Variants in MAN1C1 observed in about 807,000 individuals in gnomAD.
MAN1C1 encodes mannosidase alpha class 1C member 1.
Under a neutral mutation model 71.5 loss-of-function variants are expected in MAN1C1, and 49 were observed. That is an observed-to-expected ratio of 0.69 (90% CI 0.54 to 0.87). The LOEUF is 0.87. MAN1C1 is among the 40% of genes least tolerant of loss of function. MAN1C1 has a pLI of 0.00. For synonymous variants in MAN1C1, 352 were observed against 343.7 expected, an observed-to-expected ratio of 1.02 and a Z score of -0.27; for missense variants, 743 against 835.0, an observed-to-expected ratio of 0.89 and a Z score of 1.36.
intron 1 of MAN1C1, among the ~76,000 whole-genome samples, chr1:25,630,438 A>G (rs1452043774): frequency 2.0e-5 from 3 of 152,128 alleles, no homozygotes; most frequent in Admixed American, 6.5e-5. Context: ...TTCTGTGAAC[A>G]ATGATGTTGT....
rs373926237 is a variant in MAN1C1, at chr1:25,775,897, G to GT, written c.1258-2201dup. On this transcript the variant is annotated intron_variant, in intron 8 of 11. Coordinates refer to ENST00000374332, the MANE Select transcript of MAN1C1 (RefSeq NM_020379.4). The surrounding 1 kb of genome is among the most constrained non-coding windows in gnomAD (Gnocchi z 5.1). ...GTTTTCTTGGGTTTTTTGTTTGTTT[G>GT]TTTTTTTATGACAGAGTCTCACTCT... The GT allele has an allele frequency of 3.3e-5, 5 of 152,598 alleles. No homozygotes were observed. The highest frequency in any genetic ancestry group is 2.0e-4 in the Admixed American group (3 of 15,296). 9.5% of individuals were successfully genotyped at this position (152,598 alleles called of 1,614,324 possible).
intron 1 of MAN1C1, chr1:25,646,476 T>A (rs2045616075): frequency 6.6e-6 from 1 of 152,260 alleles, no homozygotes; most frequent in Non-Finnish European, 1.5e-5. Context: ...TTAGCCATTT[T>A]AAAATGTACA....
At chr1:25,639,502 G>A (rs2045509597) in intron 1 of MAN1C1, among the ~76,000 whole-genome samples, 1 of 152,096 alleles carries the variant, frequency 6.6e-6, no homozygotes, top group African/African-American at 2.4e-5. Flanking sequence ...TTTTTGTTGG[G>A]CTGTCAGCTG....
chr1:25,720,818 C>A (rs113999812), intron 2 of MAN1C1, among the ~76,000 whole-genome samples: 63 of 152,278 alleles, frequency 4.1e-4, no homozygotes, highest in Non-Finnish European at 7.1e-4. Context: ...TACTTTTAGG[C>A]CATGACTCAT....
In MAN1C1 at chr1:25,728,802, G is replaced by A. The variant is rs143839288; in HGVS notation, c.638-17866G>A. ...GCCTGGGCGGCTATTTCCCTTCAAC[G>A]GCTCTGTCTAAGGAAGGGGAACTGG... On this transcript the variant is annotated intron_variant, in intron 2 of 11. Coordinates refer to ENST00000374332, the MANE Select transcript of MAN1C1 (RefSeq NM_020379.4). 3.2e-3 allele frequency among the ~76,000 whole-genome samples: 481 copies of A among 152,278 alleles called. 6 individuals carry two copies. Among genetic ancestry groups the A allele is most frequent in the Non-Finnish European group, 4.6e-3 (312 of 68,030 alleles).
chr1:25,665,910 G>A (rs2045917628), intron 1 of MAN1C1, among the ~76,000 whole-genome samples: 1 of 145,528 alleles, frequency 6.9e-6, no homozygotes, highest in Non-Finnish European at 1.5e-5. Flanking sequence ...CATGGGGAGA[G>A]GTCATCTACT....
intron 1 of MAN1C1, among the ~76,000 whole-genome samples, chr1:25,624,612 T>G (rs889790397): frequency 2.0e-5 from 3 of 152,234 alleles, no homozygotes; most frequent in Admixed American, 2.0e-4. Flanking sequence ...GTGCCCGCCT[T>G]GATAGATGAT....
At chr1:25,619,774 G>C (rs1229393121) in intron 1 of MAN1C1, among the ~76,000 whole-genome samples, 1 of 152,152 alleles carries the variant, frequency 6.6e-6, no homozygotes, top group Non-Finnish European at 1.5e-5. Context: ...CTACGCTGTT[G>C]AATACTCACT....
chr1:25,680,713 CA>C (rs1374494771), intron 1 of MAN1C1, among the ~76,000 whole-genome samples: 1 of 152,186 alleles, frequency 6.6e-6, no homozygotes, highest in African/African-American at 2.4e-5. Flanking sequence ...TCCATTCAAT[CA>C]ATGGACATTT....
chr1:25,667,131 A>G (rs566102565), intron 1 of MAN1C1, among the ~76,000 whole-genome samples: 1 of 152,270 alleles, frequency 6.6e-6, no homozygotes, highest in South Asian at 2.1e-4. Flanking sequence ...AGGTAGGAGG[A>G]GAGAGCTCAA....
At chr1:25,668,561 T>TTCTTTC (rs1345264127) in intron 1 of MAN1C1, among the ~76,000 whole-genome samples, 171 of 134,982 alleles carry the variant, frequency 1.3e-3, no homozygotes, top group African/African-American at 4.9e-3. Flanking sequence ...CTTTCTTTCT[T>TTCTTTC]TTTTTTTTTT....
rs79598010 is a variant in MAN1C1 at position 25,693,632 on chromosome 1, G to A, written c.637+7096G>A. On this transcript the variant is annotated intron_variant, in intron 2 of 11. Coordinates refer to ENST00000374332, the MANE Select transcript of MAN1C1 (RefSeq NM_020379.4). ...GGCGACAGAATGAGACTCCATCTCG[G>A]AAAAAAAGAGAAAATTTGCGATTAG... Among the ~76,000 whole-genome samples the A allele has an allele frequency of 9.7e-3, 1,480 of 152,158 alleles. 27 individuals carry two copies. Among genetic ancestry groups the A allele is most frequent in the African/African-American group, 0.032 (1,315 of 41,498 alleles).
chr1:25,704,192 C>G (rs1027085260), intron 2 of MAN1C1, among the ~76,000 whole-genome samples: 2 of 152,228 alleles, frequency 1.3e-5, no homozygotes, highest in African/African-American at 4.8e-5. Flanking sequence ...CACCCAGCCC[C>G]TTTATTAAAC....
In MAN1C1 at chr1:25,730,276, G is replaced by GGC. The variant is rs1326021613; in HGVS notation, c.638-16391_638-16390dup. On this transcript the variant is annotated intron_variant, in intron 2 of 11. Transcript: ENST00000374332. This position sits in a 1 kb window ranked among gnomAD's most constrained non-coding sequence, Gnocchi z 4.3. Reference sequence around the variant, plus strand: ...GAAACCGTTTTAAAATGATCTCAGAGGCAGAGACTGGCCTTCTCCACGCAT... The same window carrying GGC: ...GAAACCGTTTTAAAATGATCTCAGAGGCGCAGAGACTGGCCTTCTCCACGCAT... 6.6e-6 allele frequency among the ~76,000 whole-genome samples: 1 copy of GGC among 152,172 alleles called. No homozygotes were observed. Among genetic ancestry groups the GGC allele is most frequent in the Non-Finnish European group, 1.5e-5 (1 of 68,026 alleles).
intron 1 of MAN1C1, among the ~76,000 whole-genome samples, chr1:25,672,987 C>T (rs565166299): frequency 8.6e-5 from 13 of 151,994 alleles, no homozygotes; most frequent in South Asian, 6.2e-4. Context: ...ATGGGGGTGA[C>T]ATGCGGGGAG....
In MAN1C1 at chr1:25,664,626, C is replaced by T. The variant is rs528387694; in HGVS notation, c.541-21814C>T. ...GAGTTTACAGTGCATCTGAAATGTT[C>T]TCGGACATACAGGAATGACGGAAGA... On this transcript the variant is annotated intron_variant, in intron 1 of 11. Coordinates refer to ENST00000374332, the MANE Select transcript of MAN1C1 (RefSeq NM_020379.4). 2.6e-5 allele frequency among the ~76,000 whole-genome samples: 4 copies of T among 152,318 alleles called. No individual in the cohort carries two copies. In the South Asian group the frequency reaches 6.2e-4, roughly 24 times the overall value.
intron 1 of MAN1C1, among the ~76,000 whole-genome samples, chr1:25,628,569 A>G (rs2045333479): frequency 6.6e-6 from 1 of 152,156 alleles, no homozygotes; most frequent in Non-Finnish European, 1.5e-5. Context: ...CTGCCTCCCA[A>G]AGTGCTGGGA....
At chr1:25,647,014 C>T (rs563554064) in intron 1 of MAN1C1, among the ~76,000 whole-genome samples, 21 of 152,238 alleles carry the variant, frequency 1.4e-4, no homozygotes, top group South Asian at 4.2e-4. Context: ...GTGGCTGCAC[C>T]GCTTTACACT....
At chr1:25,723,467 G>T (rs548571356) in intron 2 of MAN1C1, among the ~76,000 whole-genome samples, 1 of 152,164 alleles carries the variant, frequency 6.6e-6, no homozygotes, top group African/African-American at 2.4e-5. Flanking sequence ...CTTAGGGTTC[G>T]GCTTTCTTGG....
Sources: gnomAD v4.1 joint callset for allele counts (sites outside exome capture counted in the v4.1 genomes callset) on GRCh38, gnomAD v4.1.1 for gene constraint, Gnocchi (gnomAD v3.1) non-coding constraint, MANE v1.5 for transcripts, NCBI Gene and HGNC (gene_info 2026-07-23, HGNC 2026-07-21) for gene names.